Variants in CARS2 observed in about 807,000 individuals in gnomAD.
CARS2 encodes cysteinyl-tRNA synthetase 2, mitochondrial.
Under a neutral mutation model 68.8 loss-of-function variants are expected in CARS2, and 52 were observed. The ratio of observed to expected loss-of-function variants is 0.76; its 90% CI spans 0.61 to 0.95. The LOEUF (loss-of-function observed/expected upper bound fraction) is 0.95. Ranked by LOEUF, CARS2 falls within the 40% of genes least tolerant of loss-of-function variation. The pLI is 0.00. For missense variants in CARS2, 780 were observed against 754.2 expected (o/e 1.03, Z -0.40); for synonymous variants, 314 against 303.6 (o/e 1.03, Z -0.36).
chr13:110,642,582 C>T (rs764139625), intron 13 of CARS2, 61 bp from the exon 14 acceptor site: 52 of 1,511,764 alleles, frequency 3.4e-5, no homozygotes, highest in Middle Eastern at 1.7e-4. Context: ...TGCCCCCTCC[C>T]CACCCCGTGG....
intron 4 of CARS2, 25 bp from the exon 5 acceptor site, chr13:110,687,851 G>A (rs771567759): frequency 6.1e-5 from 96 of 1,569,348 alleles, no homozygotes; most frequent in Non-Finnish European, 7.7e-5. Flanking sequence ...AGACGTGACC[G>A]TGTTTCCCTC....
intron 2 of CARS2, among the ~76,000 whole-genome samples, chr13:110,702,236 T>TG (rs2063807210): frequency 6.6e-6 from 1 of 152,162 alleles, no homozygotes; most frequent in African/African-American, 2.4e-5. Flanking sequence ...TAGGGTGGTG[T>TG]GGGGGAATCC....
At chr13:110,701,661 T>C in intron 2 of CARS2, 106 bp from the exon 3 acceptor site, 4 of 699,038 alleles carry the variant, frequency 5.7e-6, no homozygotes, top group Non-Finnish European at 1.0e-5. Context: ...TTCTACTGTG[T>C]AGCACAATGG....
In CARS2 at chr13:110,668,526, A is replaced by G. The variant is rs1214294072; in HGVS notation, c.786-1053T>C. On this transcript the variant is annotated intron_variant, in intron 7 of 14. Transcript: ENST00000257347. The surrounding 1 kb of genome is among the most constrained non-coding windows in gnomAD (Gnocchi z 4.1). ...CACTGCACTCCAGCCTGGGTGACAG[A>G]GCGAGACTCCGTCTCAAAAAAAAAA... is the stretch of plus-strand genomic sequence containing the variant. Among the ~76,000 whole-genome samples the G allele has an allele frequency of 1.1e-4, 16 of 144,784 alleles. No individual in the cohort carries two copies. Among genetic ancestry groups the G allele is most frequent in the African/African-American group, 3.8e-4 (15 of 39,336 alleles). The allele number at this position is 144,784 out of a possible 152,430, so 95.0% of individuals were successfully genotyped here. A position where few individuals can be genotyped will look rare whatever the true frequency, so the allele number is the denominator to read the frequency against.
At chr13:110,696,761 T>G (rs2063635641) in intron 3 of CARS2, among the ~76,000 whole-genome samples, 1 of 152,210 alleles carries the variant, frequency 6.6e-6, no homozygotes, top group Admixed American at 6.5e-5. Flanking sequence ...TTTAAAAAAG[T>G]TAACAACCAA....
At position 110,663,590 on chromosome 13, in the gene CARS2, C is replaced by T. The variant is rs1273929559; in HGVS notation, c.920-72G>A. On this transcript the variant is annotated intron_variant, in intron 8 of 14. Transcript: ENST00000257347. ...CTCTGGCCTCAGGGACACATGGCTCCCCAGGAAACGAATGGGAACCTGCAC... is the reference window on the plus strand; with the variant it reads ...CTCTGGCCTCAGGGACACATGGCTCTCCAGGAAACGAATGGGAACCTGCAC... 31 of 1,580,386 alleles carry T rather than the reference C, an allele frequency of 2.0e-5. No homozygotes were observed. The East Asian group carries it at 2.2e-4, about 11-fold the overall frequency.
At chr13:110,654,670 C>T (rs374344391) in intron 9 of CARS2, among the ~76,000 whole-genome samples, 14 of 151,880 alleles carry the variant, frequency 9.2e-5, no homozygotes, top group South Asian at 4.2e-4. Flanking sequence ...GTAATCCCAG[C>T]GCTTTGTGAG....
chr13:110,661,014 C>T (rs1433979682), intron 9 of CARS2, among the ~76,000 whole-genome samples: 2 of 152,190 alleles, frequency 1.3e-5, no homozygotes, highest in Non-Finnish European at 2.9e-5. Context: ...CCCACCTGGG[C>T]CTCCCAAAGT....
intron 8 of CARS2, chr13:110,664,851 A>G: frequency 2.5e-6 from 1 of 395,132 alleles, no homozygotes; most frequent in Non-Finnish European, 3.4e-6. Context: ...CCGTCTACAA[A>G]TGGGAAGCAG....
rs41315944 is a variant in CARS2, at chr13:110,687,933, G to A, written c.465+14C>T. On this transcript the variant is annotated intron_variant, in intron 4 of 14. Coordinates refer to ENST00000257347, the MANE Select transcript of CARS2 (RefSeq NM_024537.4). ...GTCACCCTCATGGCAGGAACAACCA[G>A]CCCCACACTTTACCTTCAGGGCTGC... 1,484 of 1,609,456 alleles carry A rather than the reference G, an allele frequency of 9.2e-4. No individual in the cohort carries two copies. Among genetic ancestry groups the A allele is most frequent in the Non-Finnish European group, 1.2e-3 (1,360 of 1,176,134 alleles).
At chr13:110,703,889 C>T (rs760711591) in intron 2 of CARS2, among the ~76,000 whole-genome samples, 8 of 152,218 alleles carry the variant, frequency 5.3e-5, no homozygotes, top group Non-Finnish European at 1.0e-4. Context: ...ACCCTAACTC[C>T]CAAGGTGACG....
intron 9 of CARS2, among the ~76,000 whole-genome samples, chr13:110,659,253 G>A (rs1407060704): frequency 6.6e-6 from 1 of 151,930 alleles, no homozygotes; most frequent in Non-Finnish European, 1.5e-5. Context: ...AGATTATTTT[G>A]AGCTAAAGAC....
intron 3 of CARS2, 42 bp from the exon 4 acceptor site, chr13:110,688,060 T>C (rs1400849870): frequency 1.4e-6 from 2 of 1,389,984 alleles, no homozygotes; most frequent in East Asian, 2.4e-5. Flanking sequence ...GTCTGGGGCA[T>C]TCGCAACAGA....
At chr13:110,644,576 G>GGTCA (rs1887838823) in intron 12 of CARS2, 93 bp from the exon 13 acceptor site, 1 of 1,558,106 alleles carries the variant, frequency 6.4e-7, no homozygotes, top group Admixed American at 1.9e-5. Flanking sequence ...GGCTTCAGCA[G>GGTCA]GTCACTTCAG....
intron 9 of CARS2, among the ~76,000 whole-genome samples, chr13:110,651,476 C>A (rs538112484): frequency 2.5e-4 from 38 of 152,256 alleles, no homozygotes; most frequent in African/African-American, 8.4e-4. Flanking sequence ...AGGTAGGTGG[C>A]GGGAGGCACA....
At chr13:110,689,534 G>A (rs2063398367) in intron 3 of CARS2, among the ~76,000 whole-genome samples, 1 of 152,224 alleles carries the variant, frequency 6.6e-6, no homozygotes, top group African/African-American at 2.4e-5. Context: ...CTACCCAGGT[G>A]TTGTTTAAGC....
intron 3 of CARS2, among the ~76,000 whole-genome samples, chr13:110,695,447 C>T (rs988557768): frequency 1.3e-5 from 2 of 152,100 alleles, no homozygotes; most frequent in East Asian, 1.9e-4. Context: ...ATCAGGGACT[C>T]GAGCATCCAA....
chr13:110,707,948 C>A (rs2063995809), upstream of CARS2, among the ~76,000 whole-genome samples: 1 of 152,120 alleles, frequency 6.6e-6, no homozygotes, highest in Non-Finnish European at 1.5e-5. Flanking sequence ...AATTAGGAGA[C>A]CCTATAGCCT....
intron 3 of CARS2, among the ~76,000 whole-genome samples, chr13:110,698,485 A>T (rs921138660): frequency 1.3e-5 from 2 of 151,612 alleles, no homozygotes; most frequent in Non-Finnish European, 2.9e-5. Context: ...GCACCATTGC[A>T]CTCCAGCCTG....
Sources: allele counts gnomAD v4.1 joint callset (sites outside exome capture counted in the v4.1 genomes callset), GRCh38; gene constraint gnomAD v4.1.1; non-coding constraint Gnocchi (gnomAD v3.1); transcripts MANE v1.5; gene names NCBI Gene and HGNC (gene_info 2026-07-23, HGNC 2026-07-21).